The following SCFD2 variants were observed in gnomAD, a reference collection of about 807,000 sequenced individuals.
The protein encoded by SCFD2 is sec1 family domain containing 2, also known as sec1 family domain-containing protein 2.
Under a neutral mutation model 58.9 loss-of-function variants are expected in SCFD2, and 54 were observed. The ratio of observed to expected loss-of-function variants is 0.92; its 90% CI spans 0.74 to 1.15. The LOEUF (loss-of-function observed/expected upper bound fraction) is 1.15. Among genes scored for constraint, SCFD2 ranks in the 50% most tolerant of loss-of-function variants. The pLI is 0.00. For missense variants in SCFD2, 805 were observed against 836.6 expected, an observed-to-expected ratio of 0.96 and a Z score of 0.47; for synonymous variants, 321 against 335.9, an observed-to-expected ratio of 0.96 and a Z score of 0.49.
intron 3 of SCFD2, among the ~76,000 whole-genome samples, chr4:53,287,018 T>C (rs1731688718): frequency 1.3e-5 from 2 of 152,030 alleles, no homozygotes; most frequent in African/African-American, 2.4e-5. Flanking sequence ...GGGCCTGACG[T>C]TCTAGAACAC....
chr4:52,905,466 C>T (rs981898385), intron 7 of SCFD2, among the ~76,000 whole-genome samples: 1 of 152,232 alleles, frequency 6.6e-6, no homozygotes, highest in Non-Finnish European at 1.5e-5. Context: ...AACTCTCCCC[C>T]ACCCCCTGTA....
At chr4:53,194,428 C>A (rs547956928) in intron 4 of SCFD2, among the ~76,000 whole-genome samples, 7 of 152,148 alleles carry the variant, frequency 4.6e-5, no homozygotes, top group Non-Finnish European at 8.8e-5. Context: ...TTATTGCTAG[C>A]AGTACATTTG....
chr4:53,287,662 G>A (rs1316772417), intron 3 of SCFD2, among the ~76,000 whole-genome samples: 1 of 152,104 alleles, frequency 6.6e-6, no homozygotes, highest in African/African-American at 2.4e-5. Context: ...CATCACCACA[G>A]TGACACTAAA....
intron 2 of SCFD2, among the ~76,000 whole-genome samples, chr4:53,349,883 G>C (rs1734162926): frequency 6.6e-6 from 1 of 152,136 alleles, no homozygotes; most frequent in Non-Finnish European, 1.5e-5. Flanking sequence ...AAGTGGCACA[G>C]GGTAATGGTA....
At chr4:53,042,852 T>C (rs893500652) in intron 5 of SCFD2, among the ~76,000 whole-genome samples, 2 of 152,134 alleles carry the variant, frequency 1.3e-5, no homozygotes, top group African/African-American at 4.8e-5. Context: ...CTTGGGACTA[T>C]GGATTGTCAT....
chr4:53,333,381 G>A (rs1236643518), intron 2 of SCFD2, among the ~76,000 whole-genome samples: 90 of 137,466 alleles, frequency 6.5e-4, no homozygotes, highest in Non-Finnish European at 1.3e-3. Flanking sequence ...AAAACAGCAT[G>A]GTACTGGTAC....
rs760009254 is a variant in SCFD2 at position 53,001,086 on chromosome 4, C to T, written c.1562-80216G>A. ...ACTTCTCAAATATAACTTTGCAATA[C>T]AGTAATCAAAGCTAACTGCAGTTAT... On this transcript the variant is annotated intron_variant, in intron 5 of 8. Coordinates refer to ENST00000401642, the MANE Select transcript of SCFD2 (RefSeq NM_152540.4). Among the ~76,000 whole-genome samples the T allele has an allele frequency of 1.2e-4, 19 of 152,292 alleles. No homozygotes were observed. In the East Asian group the frequency reaches 1.9e-3, roughly 15 times the overall value.
intron 5 of SCFD2, among the ~76,000 whole-genome samples, chr4:53,026,011 T>G (rs1030965353): frequency 1.3e-5 from 2 of 152,206 alleles, no homozygotes; most frequent in African/African-American, 4.8e-5. Context: ...TTTCATTTTT[T>G]TTTTCTTTCT....
intron 5 of SCFD2, among the ~76,000 whole-genome samples, chr4:52,944,138 C>G (rs1336203494): frequency 6.6e-6 from 1 of 152,096 alleles, no homozygotes; most frequent in Non-Finnish European, 1.5e-5. Flanking sequence ...TTAGTTGTAT[C>G]TGGATTAATA....
At chr4:53,038,536 G>T (rs1222095133) in intron 5 of SCFD2, among the ~76,000 whole-genome samples, 1 of 152,122 alleles carries the variant, frequency 6.6e-6, no homozygotes, top group Non-Finnish European at 1.5e-5. Flanking sequence ...AAACAGACTT[G>T]CATGGAGAGT....
chr4:53,250,279 A>G (rs1166564958), intron 4 of SCFD2, among the ~76,000 whole-genome samples: 1 of 152,236 alleles, frequency 6.6e-6, no homozygotes, highest in Admixed American at 6.5e-5. Context: ...CACCCAATAT[A>G]GGAGCACCCA....
chr4:53,235,705 G>A (rs1166820423), intron 4 of SCFD2, among the ~76,000 whole-genome samples: 1 of 152,162 alleles, frequency 6.6e-6, no homozygotes, highest in South Asian at 2.1e-4. Flanking sequence ...CATTTGTCAA[G>A]ATCAAAGTTA....
intron 2 of SCFD2, among the ~76,000 whole-genome samples, chr4:53,341,388 A>G (rs10003107): frequency 0.59 from 89,873 of 151,910 alleles, 26,740 homozygotes; most frequent in Middle Eastern, 0.66. Flanking sequence ...GAAATGAAGC[A>G]AGAAGAGAAG....
intron 5 of SCFD2, among the ~76,000 whole-genome samples, chr4:53,106,268 C>G (rs901659574): frequency 5.9e-5 from 9 of 152,292 alleles, no homozygotes; most frequent in East Asian, 5.8e-4. Context: ...TGAGGAAAAA[C>G]CAGCACAAAA....
chr4:53,090,062 T>G (rs1410750950), intron 5 of SCFD2, among the ~76,000 whole-genome samples: 1 of 152,198 alleles, frequency 6.6e-6, no homozygotes, highest in Admixed American at 6.5e-5. Context: ...CACTGCATAG[T>G]TTTGCAATGG....
intron 5 of SCFD2, among the ~76,000 whole-genome samples, chr4:53,073,212 A>T (rs1196759698): frequency 1.3e-5 from 2 of 152,050 alleles, no homozygotes; most frequent in Admixed American, 1.3e-4. Flanking sequence ...TCTAGAGATG[A>T]TTTAAAGAAT....
chr4:53,150,578 G>T (rs1052698957), intron 4 of SCFD2, among the ~76,000 whole-genome samples: 4 of 152,176 alleles, frequency 2.6e-5, no homozygotes, highest in Non-Finnish European at 5.9e-5. Flanking sequence ...GCAGAAGATA[G>T]AATCTCAAGA....
At position 52,874,334 on chromosome 4, in the gene SCFD2, A is replaced by C. The variant is rs567232743; in HGVS notation, c.1963-273T>G. ...CAATGGGGCACTCAGGATGGCTGAGACTGGCACTAGGTACATTTGACAGGC... is the reference window on the plus strand; with the variant it reads ...CAATGGGGCACTCAGGATGGCTGAGCCTGGCACTAGGTACATTTGACAGGC... On this transcript the variant is annotated intron_variant, in intron 8 of 8. Transcript: ENST00000401642. Among the ~76,000 whole-genome samples, 29 of 152,288 alleles carry C rather than the reference A, an allele frequency of 1.9e-4. No homozygotes were observed. The East Asian group carries it at 5.4e-3, about 28-fold the overall frequency.
At position 53,150,411 on chromosome 4, in the gene SCFD2, A is replaced by G. The variant is rs547193530; in HGVS notation, c.1312-4829T>C. On this transcript the variant is annotated intron_variant, in intron 4 of 8. Transcript: ENST00000401642. ...GAACCCTGTGCCACTTTGGCTTGGA[A>G]GGTAAACTAGACTAGACCCTCCTAG... 7.4e-4 allele frequency among the ~76,000 whole-genome samples: 112 copies of G among 152,316 alleles called. 1 individual carries two copies. Among genetic ancestry groups the G allele is most frequent in the Middle Eastern group, 3.4e-3 (1 of 294 alleles).
Sources: allele counts gnomAD v4.1 joint callset (sites outside exome capture counted in the v4.1 genomes callset), GRCh38; gene constraint gnomAD v4.1.1; transcripts MANE v1.5; gene names NCBI Gene and HGNC (gene_info 2026-07-23, HGNC 2026-07-21).